The following SRBD1 variants were observed in gnomAD, a reference collection of about 807,000 sequenced individuals.
SRBD1 encodes the protein S1 RNA-binding domain-containing protein 1.
In SRBD1, 88 loss-of-function variants were observed where a neutral mutation model predicts 115.3. The ratio of observed to expected loss-of-function variants is 0.76; its 90% confidence interval spans 0.64 to 0.91. The LOEUF is 0.91. Ranked by LOEUF, SRBD1 falls within the 40% of genes least tolerant of loss-of-function variation. The probability of loss-of-function intolerance (pLI) is 0.00; values close to 1 mark genes in which losing one functional copy is unlikely to be tolerated. For missense variants in SRBD1, 1,385 were observed against 1,177.4 expected, an observed-to-expected ratio of 1.18 and a Z score of -2.58; for synonymous variants, 509 against 407.7, an observed-to-expected ratio of 1.25 and a Z score of -2.99.
chr2:45,434,752 G>A (rs985125012), intron 16 of SRBD1, among the ~76,000 whole-genome samples: 1 of 151,344 alleles, frequency 6.6e-6, no homozygotes, highest in Non-Finnish European at 1.5e-5. Flanking sequence ...AGCCTTTCTT[G>A]CCTATTTGCA....
intron 6 of SRBD1, among the ~76,000 whole-genome samples, chr2:45,580,406 C>A (rs1246007881): frequency 6.6e-6 from 1 of 151,920 alleles, no homozygotes; most frequent in South Asian, 2.1e-4. Context: ...AGTGCAGTGG[C>A]GCGATCTCGG....
At chr2:45,416,563 A>G (rs1296961028) in intron 18 of SRBD1, among the ~76,000 whole-genome samples, 1 of 152,228 alleles carries the variant, frequency 6.6e-6, no homozygotes, top group East Asian at 1.9e-4. Context: ...AAAGAGATCC[A>G]GAAGACTGAA....
intron 1 of SRBD1, among the ~76,000 whole-genome samples, chr2:45,610,278 GA>G (rs1033125005): frequency 3.3e-5 from 5 of 151,268 alleles, no homozygotes; most frequent in African/African-American, 7.3e-5. Flanking sequence ...ATTAAAATTG[GA>G]AAAAAAAATT....
At chr2:45,401,785 T>C (rs1240029989) in intron 19 of SRBD1, among the ~76,000 whole-genome samples, 1 of 152,226 alleles carries the variant, frequency 6.6e-6, no homozygotes, top group East Asian at 1.9e-4. Context: ...ATGGGCCTTC[T>C]GGTTGCTCAT....
chr2:45,444,639 C>T (rs1287654480), intron 16 of SRBD1, among the ~76,000 whole-genome samples: 1 of 152,126 alleles, frequency 6.6e-6, no homozygotes, highest in Non-Finnish European at 1.5e-5. Flanking sequence ...AGTTCTTTAT[C>T]CTTCTTCTTT....
At chr2:45,509,180 G>A (rs924268483) in intron 14 of SRBD1, among the ~76,000 whole-genome samples, 33 of 152,164 alleles carry the variant, frequency 2.2e-4, no homozygotes, top group African/African-American at 7.5e-4. Context: ...TAATCTCCGA[G>A]GGATATATTG....
At chr2:45,482,049 G>A (rs1398661829) in intron 15 of SRBD1, among the ~76,000 whole-genome samples, 1 of 152,042 alleles carries the variant, frequency 6.6e-6, no homozygotes, top group African/African-American at 2.4e-5. Flanking sequence ...TGATAGTTGT[G>A]CAACTCTGAC....
At chr2:45,454,133 C>T (rs987294632) in intron 16 of SRBD1, among the ~76,000 whole-genome samples, 1 of 151,898 alleles carries the variant, frequency 6.6e-6, no homozygotes, top group African/African-American at 2.4e-5. Flanking sequence ...CTAACAGAAG[C>T]ATAAAAGCAG....
chr2:45,458,097 TA>T (rs1669207083), intron 16 of SRBD1, among the ~76,000 whole-genome samples: 2 of 152,134 alleles, frequency 1.3e-5, no homozygotes, highest in South Asian at 4.1e-4. Context: ...ATTATAATTT[TA>T]AACCTATCAA....
intron 16 of SRBD1, among the ~76,000 whole-genome samples, chr2:45,440,710 T>C (rs1395253694): frequency 1.3e-5 from 2 of 152,182 alleles, no homozygotes; most frequent in African/African-American, 4.8e-5. Context: ...TGCAAACTTT[T>C]AGCCATAAGA....
At chr2:45,600,267 C>T (rs980275087) in intron 3 of SRBD1, among the ~76,000 whole-genome samples, 5 of 152,098 alleles carry the variant, frequency 3.3e-5, no homozygotes, top group South Asian at 2.1e-4. Flanking sequence ...CAATGTATCT[C>T]GGTTGTGACA....
At chr2:45,508,233 A>C (rs1332435256) in intron 14 of SRBD1, among the ~76,000 whole-genome samples, 1 of 152,050 alleles carries the variant, frequency 6.6e-6, no homozygotes, top group African/African-American at 2.4e-5. Context: ...AAAGAGGAAA[A>C]GAAAAGTTAC....
At chr2:45,527,879 T>C (rs1238012108) in intron 14 of SRBD1, among the ~76,000 whole-genome samples, 1 of 151,858 alleles carries the variant, frequency 6.6e-6, no homozygotes, top group Non-Finnish European at 1.5e-5. Flanking sequence ...ACTTACCTTG[T>C]TTATAGGAAT....
intron 15 of SRBD1, among the ~76,000 whole-genome samples, chr2:45,486,724 C>G (rs1670132427): frequency 6.7e-6 from 1 of 149,570 alleles, no homozygotes; most frequent in Non-Finnish European, 1.5e-5. Flanking sequence ...CAGCGAGACC[C>G]CATCTCAAAA....
intron 16 of SRBD1, among the ~76,000 whole-genome samples, chr2:45,476,348 C>T (rs757582908): frequency 1.3e-5 from 2 of 152,070 alleles, no homozygotes; most frequent in African/African-American, 2.4e-5. Context: ...TAGTACCTAT[C>T]ATTCAAATCC....
intron 14 of SRBD1, among the ~76,000 whole-genome samples, chr2:45,524,365 C>G (rs906542335): frequency 5.3e-5 from 8 of 152,000 alleles, no homozygotes; most frequent in African/African-American, 1.9e-4. Flanking sequence ...AAGATGATCT[C>G]TATTCACAGA....
In SRBD1 at chr2:45,571,833, C is replaced by T. The variant is rs913183903; in HGVS notation, c.1305+1374G>A. 2.0e-5 allele frequency among the ~76,000 whole-genome samples: 3 copies of T among 151,628 alleles called. No homozygotes were observed. In the East Asian group the frequency reaches 5.8e-4, roughly 29 times the overall value. On this transcript the variant is annotated intron_variant, in intron 9 of 20. Transcript: ENST00000263736. ...TGAAGATAGGTCAAATGGGAATATA[C>T]AGTCAGAGAAAAAAGAAAAAAATAA...
At chr2:45,548,069 T>C (rs1419440414) in intron 12 of SRBD1, among the ~76,000 whole-genome samples, 1 of 151,476 alleles carries the variant, frequency 6.6e-6, no homozygotes, top group Non-Finnish European at 1.5e-5. Flanking sequence ...ATTGAAAATA[T>C]TTATAACAAT....
In SRBD1 at chr2:45,417,524, A is replaced by G. The variant is rs1667868273; in HGVS notation, c.2333+841T>C. ...AGGCTTAATCAGTCTTTTCCAGAAG[A>G]AAGGTTATCTTCCATATGACCTCTA... On this transcript the variant is annotated intron_variant, in intron 18 of 20. Transcript: ENST00000263736. Among the ~76,000 whole-genome samples, 6 of 152,358 alleles carry G rather than the reference A, an allele frequency of 3.9e-5. No homozygotes were observed. In the South Asian group the frequency reaches 1.2e-3, roughly 32 times the overall value.
Sources: gnomAD v4.1 joint callset for allele counts (sites outside exome capture counted in the v4.1 genomes callset) on GRCh38, gnomAD v4.1.1 for gene constraint, MANE v1.5 for transcripts, NCBI Gene and HGNC (gene_info 2026-07-23, HGNC 2026-07-21) for gene names.